TMEM178B: variants seen among roughly 807,000 people sequenced by gnomAD.
TMEM178B encodes the protein transmembrane protein 178B.
In TMEM178B, 5 loss-of-function variants were observed where a neutral mutation model predicts 31.0. The ratio of observed to expected loss-of-function variants is 0.16; its 90% confidence interval spans 0.08 to 0.34. The LOEUF (loss-of-function observed/expected upper bound fraction) is 0.34, where lower values mean the gene tolerates loss of function less well. TMEM178B is among the 10% of genes least tolerant of loss of function. The pLI, the probability that TMEM178B is intolerant of heterozygous loss-of-function variation, is 1.00. For missense variants in TMEM178B, 275 were observed against 400.3 expected (o/e 0.69, Z 2.67); for synonymous variants, 164 against 164.0 (o/e 1.00, Z 0.00).
chr7:141,342,610 T>C (rs1799534261), intron 2 of TMEM178B, among the ~76,000 whole-genome samples: 2 of 152,338 alleles, frequency 1.3e-5, no homozygotes, highest in Non-Finnish European at 2.9e-5. Flanking sequence ...CTTTGGTTGA[T>C]AAAGAATTTC....
rs558191495 is a variant in TMEM178B, at chr7:141,274,638, G to T, written c.496+61934G>T. Among the ~76,000 whole-genome samples, 73 of 152,334 alleles carry T rather than the reference G, an allele frequency of 4.8e-4. 2 individuals are homozygous for T. In the South Asian group the frequency reaches 0.014, roughly 29 times the overall value. ...ATCTGCAGGTCCAAGCTCTGTCCAT[G>T]CCCAAATCCATGCCCTCAAGGGAAG... On this transcript the variant is annotated intron_variant, in intron 2 of 3. Coordinates refer to ENST00000565468, the MANE Select transcript of TMEM178B (RefSeq NM_001195278.2).
intron 2 of TMEM178B, among the ~76,000 whole-genome samples, chr7:141,249,581 A>G (rs1233589911): frequency 6.6e-6 from 1 of 152,210 alleles, no homozygotes; most frequent in Non-Finnish European, 1.5e-5. Context: ...GGCCCAGTTC[A>G]GGGAGGGTGT....
chr7:141,258,574 G>A (rs1269500966), intron 2 of TMEM178B, among the ~76,000 whole-genome samples: 5 of 151,498 alleles, frequency 3.3e-5, no homozygotes, highest in Non-Finnish European at 7.4e-5. Context: ...GTGGATTCAC[G>A]TTACAGCCCA....
At chr7:141,324,429 T>TG (rs1799153547) in intron 2 of TMEM178B, among the ~76,000 whole-genome samples, 6 of 65,472 alleles carry the variant, frequency 9.2e-5, no homozygotes, top group Non-Finnish European at 1.9e-4. Flanking sequence ...TTTTTTTTTT[T>TG]TTTTTTTTTT....
intron 1 of TMEM178B, among the ~76,000 whole-genome samples, chr7:141,198,012 G>A (rs781765944): frequency 6.6e-6 from 1 of 151,884 alleles, no homozygotes; most frequent in Non-Finnish European, 1.5e-5. Flanking sequence ...TGTTTCTCAA[G>A]TACAACTCAG....
the TMEM178B span, among the ~76,000 whole-genome samples, chr7:141,486,356 A>G: frequency 1.3e-5 from 2 of 152,330 alleles, no homozygotes; most frequent in Admixed American, 1.3e-4. Context: ...TCGCTAATCA[A>G]TGCATGTAAC....
chr7:141,412,717 G>A (rs1029412121), intron 2 of TMEM178B, among the ~76,000 whole-genome samples: 1 of 152,230 alleles, frequency 6.6e-6, no homozygotes, highest in Non-Finnish European at 1.5e-5. Context: ...GGCTCACCCA[G>A]TGCTCAGTGC....
intron 1 of TMEM178B, among the ~76,000 whole-genome samples, chr7:141,086,722 T>C (rs1794794174): frequency 6.6e-6 from 1 of 152,124 alleles, no homozygotes; most frequent in African/African-American, 2.4e-5. Context: ...TTTTTTGAGA[T>C]GGAGTCTTGC....
intron 1 of TMEM178B, among the ~76,000 whole-genome samples, chr7:141,118,763 A>G (rs910007539): frequency 6.6e-6 from 1 of 152,250 alleles, no homozygotes; most frequent in South Asian, 2.1e-4. Flanking sequence ...CTTTGTGGTC[A>G]GAAGAAGTTT....
intron 1 of TMEM178B, among the ~76,000 whole-genome samples, chr7:141,083,609 TA>T (rs1389218063): frequency 6.6e-6 from 1 of 152,294 alleles, no homozygotes; most frequent in East Asian, 1.9e-4. Flanking sequence ...CTTACCACTC[TA>T]AAAACATGTA....
intron 2 of TMEM178B, among the ~76,000 whole-genome samples, chr7:141,249,501 G>A (rs1797795441): frequency 6.6e-6 from 1 of 152,252 alleles, no homozygotes. Context: ...TCCTGAAAAT[G>A]TGGAAGCGAC....
intron 1 of TMEM178B, among the ~76,000 whole-genome samples, chr7:141,093,497 G>T (rs1794911085): frequency 6.6e-6 from 1 of 152,174 alleles, no homozygotes; most frequent in African/African-American, 2.4e-5. Flanking sequence ...GACCGAGTTT[G>T]GGGGAGAAGT....
Position 141,167,523 on chromosome 7 carries a change from A to G in TMEM178B, c.383-45068A>G, listed in dbSNP as rs528875505. On this transcript the variant is annotated intron_variant, in intron 1 of 3. Transcript: ENST00000565468. ...ACTCTGAAGTGGATTTGTGCCTTTA[A>G]TCACGTCACCGTGTACAAAGGGCCT... 2.1e-4 allele frequency among the ~76,000 whole-genome samples: 32 copies of G among 152,340 alleles called. 1 individual carries two copies. Among genetic ancestry groups the G allele is most frequent in the African/African-American group, 6.7e-4 (28 of 41,574 alleles).
rs573526861 is a variant in TMEM178B at position 141,297,798 on chromosome 7, A to G, written c.496+85094A>G. Among the ~76,000 whole-genome samples, 181 of 152,286 alleles carry G rather than the reference A, an allele frequency of 1.2e-3. 2 individuals are homozygous for G. Among genetic ancestry groups the G allele is most frequent in the African/African-American group, 4.3e-3 (178 of 41,548 alleles). The stretch of plus-strand genomic sequence containing the variant: ...TGGTTCCAAGTCTTTGCTATTGTGA[A>G]TAGTGCTGCAATAAACGTACGTGTG... On this transcript the variant is annotated intron_variant, in intron 2 of 3. Transcript: ENST00000565468.
intron 2 of TMEM178B, among the ~76,000 whole-genome samples, chr7:141,269,096 CTTTTTTTT>C (rs34014878): frequency 2.1e-5 from 3 of 140,364 alleles, no homozygotes. Context: ...AATTTTTTTT[CTTTTTTTT>C]TTTTTTGAGA....
chr7:141,372,283 G>A lies in TMEM178B; in HGVS notation c.497-65325G>A, dbSNP rs184197177. ...CATTCCCTTCTCTTGGTGACCTACAGCTGCATCTCATTATCCACCATCCTC... is the reference window on the plus strand; with the variant it reads ...CATTCCCTTCTCTTGGTGACCTACAACTGCATCTCATTATCCACCATCCTC... On this transcript the variant is annotated intron_variant, in intron 2 of 3. Coordinates refer to ENST00000565468, the MANE Select transcript of TMEM178B (RefSeq NM_001195278.2). Among the ~76,000 whole-genome samples the A allele has an allele frequency of 5.9e-5, 9 of 152,220 alleles. No individual in the cohort carries two copies. In the East Asian group the frequency reaches 1.7e-3, roughly 29 times the overall value.
At chr7:141,203,851 A>T (rs1796918829) in intron 1 of TMEM178B, among the ~76,000 whole-genome samples, 1 of 152,204 alleles carries the variant, frequency 6.6e-6, no homozygotes, top group Non-Finnish European at 1.5e-5. Flanking sequence ...TTTTAAAAAA[A>T]GGAACTCTGG....
intron 2 of TMEM178B, among the ~76,000 whole-genome samples, chr7:141,259,944 T>G (rs536177026): frequency 6.6e-6 from 1 of 152,176 alleles, no homozygotes; most frequent in African/African-American, 2.4e-5. Context: ...CACCCAGGGG[T>G]GTGTGGATAG....
At chr7:141,287,701 C>A (rs1318259367) in intron 2 of TMEM178B, among the ~76,000 whole-genome samples, 1 of 152,180 alleles carries the variant, frequency 6.6e-6, no homozygotes, top group Admixed American at 6.5e-5. Flanking sequence ...TTGAAAATGT[C>A]CCCAGACATG....
Sources: gnomAD v4.1 joint callset for allele counts (sites outside exome capture counted in the v4.1 genomes callset) on GRCh38, gnomAD v4.1.1 for gene constraint, MANE v1.5 for transcripts, NCBI Gene and HGNC (gene_info 2026-07-23, HGNC 2026-07-21) for gene names.